ARHGAP32: variants seen among roughly 807,000 people sequenced by gnomAD.
ARHGAP32 encodes rho GTPase-activating protein 32.
Under a neutral mutation model 186.5 loss-of-function variants are expected in ARHGAP32, and 51 were observed. That is an observed-to-expected ratio of 0.27 (90% CI 0.22 to 0.35). The LOEUF is 0.35. Among genes scored for constraint, ARHGAP32 ranks in the 10% least tolerant of loss-of-function variants. The pLI, the probability that ARHGAP32 is intolerant of heterozygous loss-of-function variation, is 1.00. For synonymous variants in ARHGAP32, 950 were observed against 964.3 expected (o/e 0.99, Z 0.27); for missense variants, 2,186 against 2,623.5 (o/e 0.83, Z 3.64).
chr11:129,212,940 A>G (rs1021114156), intron 1 of ARHGAP32, among the ~76,000 whole-genome samples: 1 of 151,822 alleles, frequency 6.6e-6, no homozygotes, highest in South Asian at 2.1e-4. Context: ...ATTTTCATAT[A>G]AATAAACAAA....
intron 1 of ARHGAP32, among the ~76,000 whole-genome samples, chr11:129,257,903 A>T (rs1049775088): frequency 6.6e-6 from 1 of 152,212 alleles, no homozygotes; most frequent in South Asian, 2.1e-4. Flanking sequence ...ATATATAGTC[A>T]TCAGAATGTA....
chr11:129,125,373 C>T (rs921156044), intron 2 of ARHGAP32, among the ~76,000 whole-genome samples: 1 of 151,996 alleles, frequency 6.6e-6, no homozygotes, highest in Non-Finnish European at 1.5e-5. Context: ...GTGGTGAATT[C>T]TTAACTTCAG....
chr11:128,966,711 G>A lies in ARHGAP32; in HGVS notation c.*2196C>T, dbSNP rs1945229930. ...ATTAAAACTGGACCGGACTCCCTGG[G>A]TTACTTTCTTTAGGCTCTCAGTTAC... On this transcript the variant is annotated 3_prime_UTR_variant, in exon 23 of 23. Coordinates refer to ENST00000682385, the MANE Select transcript of ARHGAP32 (RefSeq NM_001378024.1). The A allele has an allele frequency of 6.6e-6, 1 of 152,154 alleles. No individual in the cohort carries two copies. The highest frequency in any genetic ancestry group is 1.5e-5 in the Non-Finnish European group (1 of 68,036). The allele number at this position is 152,154 out of a possible 1,614,324, so 9.4% of individuals were successfully genotyped here. A position where few individuals can be genotyped will look rare whatever the true frequency, so the allele number is the denominator to read the frequency against.
intron 1 of ARHGAP32, among the ~76,000 whole-genome samples, chr11:129,187,200 T>C (rs1944179895): frequency 6.6e-6 from 1 of 152,094 alleles, no homozygotes; most frequent in Admixed American, 6.5e-5. Flanking sequence ...ATAATGAGAT[T>C]TAGTCATTTG....
chr11:129,160,924 C>A (rs574809568), intron 2 of ARHGAP32, among the ~76,000 whole-genome samples: 18 of 152,130 alleles, frequency 1.2e-4, no homozygotes, highest in Non-Finnish European at 2.5e-4. Context: ...GCTACAGTAA[C>A]CAAAACAGCA....
intron 11 of ARHGAP32, among the ~76,000 whole-genome samples, chr11:129,032,962 A>C (rs1939176436): frequency 6.6e-6 from 1 of 152,222 alleles, no homozygotes; most frequent in South Asian, 2.1e-4. Context: ...GGTAACTGCT[A>C]TCCTAAGTTC....
At chr11:129,215,407 G>A (rs1453190254) in intron 1 of ARHGAP32, among the ~76,000 whole-genome samples, 1 of 152,102 alleles carries the variant, frequency 6.6e-6, no homozygotes, top group Non-Finnish European at 1.5e-5. Flanking sequence ...AATTGCTGTT[G>A]TAACAAGTCA....
chr11:129,074,623 A>T (rs1394572870), intron 6 of ARHGAP32, among the ~76,000 whole-genome samples: 2 of 152,022 alleles, frequency 1.3e-5, no homozygotes, highest in Admixed American at 6.5e-5. Flanking sequence ...CTTCCCTAGT[A>T]GCTGGGACTA....
chr11:129,248,590 T>C lies in ARHGAP32; in HGVS notation c.-5+30556A>G, dbSNP rs541612707. Among the ~76,000 whole-genome samples the C allele has an allele frequency of 1.1e-4, 16 of 152,280 alleles. No homozygotes were observed. The East Asian group carries it at 2.9e-3, about 28-fold the overall frequency. ...ATTTTCCAACCTTTTGATTATTCTTTTGTTGTGGTATTGTTTTCTGTGCTG... is the reference window on the plus strand; with the variant it reads ...ATTTTCCAACCTTTTGATTATTCTTCTGTTGTGGTATTGTTTTCTGTGCTG... On this transcript the variant is annotated intron_variant, in intron 1 of 6. Transcript: ENST00000525234.
chr11:129,218,088 A>T (rs1055822514), intron 1 of ARHGAP32, among the ~76,000 whole-genome samples: 10 of 152,198 alleles, frequency 6.6e-5, no homozygotes, highest in Admixed American at 3.9e-4. Context: ...ACCAACTGTG[A>T]TATCTACTTT....
At chr11:129,181,639 A>C (rs1485544692) in intron 1 of ARHGAP32, among the ~76,000 whole-genome samples, 1 of 152,184 alleles carries the variant, frequency 6.6e-6, no homozygotes, top group African/African-American at 2.4e-5. Flanking sequence ...TTCCTAAAAA[A>C]TAAAGAAACT....
At chr11:129,243,218 C>G (rs1048583365) in intron 1 of ARHGAP32, among the ~76,000 whole-genome samples, 1 of 152,190 alleles carries the variant, frequency 6.6e-6, no homozygotes, top group Non-Finnish European at 1.5e-5. Context: ...CCAAGTCCCT[C>G]AGGTTTAAAA....
chr11:129,189,361 C>A (rs1409044664), intron 1 of ARHGAP32, among the ~76,000 whole-genome samples: 3 of 152,066 alleles, frequency 2.0e-5, no homozygotes, highest in Admixed American at 2.0e-4. Flanking sequence ...AAAAATGATA[C>A]CTGCTTTATA....
intron 2 of ARHGAP32, among the ~76,000 whole-genome samples, chr11:129,141,669 G>A (rs1324292222): frequency 2.0e-5 from 3 of 150,020 alleles, no homozygotes; most frequent in African/African-American, 7.3e-5. Context: ...TAAATACTAT[G>A]TGTATTTTAT....
chr11:129,023,943 C>A, intron 11 of ARHGAP32: 3 of 985,400 alleles, frequency 3.0e-6, no homozygotes, highest in Non-Finnish European at 3.6e-6. Flanking sequence ...CAGGATACAA[C>A]AGCTCTGCAT....
chr11:128,999,106 AT>A (rs918059063), intron 11 of ARHGAP32, among the ~76,000 whole-genome samples: 1 of 152,240 alleles, frequency 6.6e-6, no homozygotes, highest in African/African-American at 2.4e-5. Context: ...GAACAGAGTC[AT>A]ATTTCTCTTC....
chr11:129,151,472 T>C (rs1258928156), intron 2 of ARHGAP32, among the ~76,000 whole-genome samples: 1 of 151,944 alleles, frequency 6.6e-6, no homozygotes, highest in South Asian at 2.1e-4. Context: ...CAATGATAGG[T>C]CACATGTCTC....
intron 1 of ARHGAP32, among the ~76,000 whole-genome samples, chr11:129,236,278 A>C (rs1468451871): frequency 1.3e-5 from 2 of 152,074 alleles, no homozygotes; most frequent in Non-Finnish European, 2.9e-5. Context: ...GGAGTGAGGT[A>C]GTATTGCACA....
At chr11:129,000,663 A>C (rs1457454993) in intron 11 of ARHGAP32, among the ~76,000 whole-genome samples, 1 of 152,056 alleles carries the variant, frequency 6.6e-6, no homozygotes, top group African/African-American at 2.4e-5. Context: ...TGTACGTTTA[A>C]ATTATTTTTG....
Sources: gnomAD v4.1 joint callset for allele counts (sites outside exome capture counted in the v4.1 genomes callset) on GRCh38, gnomAD v4.1.1 for gene constraint, MANE v1.5 for transcripts, NCBI Gene and HGNC (gene_info 2026-07-23, HGNC 2026-07-21) for gene names.